The following NOL7 variants were observed in gnomAD, a reference collection of about 807,000 sequenced individuals.
NOL7 encodes nucleolar protein 7.
A neutral mutation model predicts 38.4 loss-of-function variants in NOL7; 36 were observed. That is an observed-to-expected ratio of 0.94 (90% CI 0.72 to 1.24). NOL7 has a LOEUF of 1.24. NOL7 is among the 50% of genes most tolerant of loss of function. The pLI, the probability that NOL7 is intolerant of heterozygous loss-of-function variation, is 0.00. For missense variants in NOL7, 350 were observed against 315.1 expected (o/e 1.11, Z -0.84); for synonymous variants, 142 against 126.5 (o/e 1.12, Z -0.82).
At chr6:13,616,703 A>T (rs1384597335) in intron 3 of NOL7, among the ~76,000 whole-genome samples, 182 bp downstream of exon 3, 1 of 152,106 alleles carries the variant, frequency 6.6e-6, no homozygotes, top group Admixed American at 6.5e-5. Context: ...TTTACCATTT[A>T]TTTTTGTTCA....
intron 8 of NOL7, among the ~76,000 whole-genome samples, chr6:13,632,015 T>C (rs553585451): frequency 1.5e-4 from 23 of 152,108 alleles, no homozygotes; most frequent in African/African-American, 3.6e-4. Flanking sequence ...CACGCCCACA[T>C]TGCTCCTAGT....
At chr6:13,624,168 C>T (rs1764535179), downstream of NOL7, among the ~76,000 whole-genome samples, 2 of 152,192 alleles carry the variant, frequency 1.3e-5, no homozygotes, top group Non-Finnish European at 2.9e-5. Flanking sequence ...AGAACTACAA[C>T]ACTGAGGACA....
Position 13,620,902 on chromosome 6 carries a change from A to G in NOL7, c.*75A>G. The G allele has an allele frequency of 1.1e-6, 1 of 914,852 alleles. No homozygotes were observed. Among genetic ancestry groups the G allele is most frequent in the Non-Finnish European group, 1.6e-6 (1 of 608,076 alleles). The allele number at this position is 914,852 out of a possible 1,614,324, so 56.7% of individuals were successfully genotyped here. A position where few individuals can be genotyped will look rare whatever the true frequency, so the allele number is the denominator to read the frequency against. On this transcript the variant is annotated 3_prime_UTR_variant, in exon 8 of 8. Coordinates refer to ENST00000451315, the MANE Select transcript of NOL7 (RefSeq NM_016167.5). ...ATAAATCATTCATAGATCATTTTAAAGGATCATTATAAAAATCATAAACCT... is the reference window on the plus strand; with the variant it reads ...ATAAATCATTCATAGATCATTTTAAGGGATCATTATAAAAATCATAAACCT...
At chr6:13,619,812 A>T (rs1764389667) in intron 5 of NOL7, among the ~76,000 whole-genome samples, 1 of 152,232 alleles carries the variant, frequency 6.6e-6, no homozygotes, top group Non-Finnish European at 1.5e-5. Context: ...CTGTGCATAT[A>T]TAAAATTAGT....
At chr6:13,620,592 T>G (rs534493328) in intron 7 of NOL7, 107 bp downstream of exon 7, 2 of 1,153,998 alleles carry the variant, frequency 1.7e-6, no homozygotes, top group East Asian at 2.5e-5. Context: ...TAATGGCTTA[T>G]ATATTAAGTT....
chr6:13,615,419 G>C lies in NOL7; in HGVS notation c.61G>C (p.Glu21Gln), dbSNP rs1457258929. ...GGCGTCGGCGGAGGCGATGGTGGACGAGGGCCAGCTGGCCTCGGAGGAGGA... is the reference window on the plus strand; with the variant it reads ...GGCGTCGGCGGAGGCGATGGTGGACCAGGGCCAGCTGGCCTCGGAGGAGGA... ...APASAEAMVD[E>Q]GQLASEEEEA... The change falls in exon 1 of 8, where the codon GAG becomes CAG. Residue 21 changes from glutamate (E) to glutamine (Q), a missense_variant. Transcript: ENST00000451315. 5.2e-6 allele frequency: 8 copies of C among 1,545,782 alleles called. No homozygotes were observed. Among genetic ancestry groups the C allele is most frequent in the Non-Finnish European group, 7.0e-6 (8 of 1,145,380 alleles).
downstream of NOL7, chr6:13,622,296 C>A: frequency 7.3e-7 from 1 of 1,364,172 alleles, no homozygotes; most frequent in East Asian, 2.6e-5. Flanking sequence ...TTCAAATCAG[C>A]AGAGCTGGTC....
At chr6:13,625,620 A>T (rs747560728), downstream of NOL7, 1 of 1,461,786 alleles carries the variant, frequency 6.8e-7, no homozygotes, top group Non-Finnish European at 9.6e-7. Context: ...CAGAGAATCT[A>T]ACTGAAATTG....
rs753226474 is a variant in NOL7 at position 13,615,579 on chromosome 6, C to T, written c.221C>T (p.Ala74Val). Reference protein sequence around the residue: ...PEELTFASAQAEAREEERRVR... With the variant: ...PEELTFASAQVEAREEERRVR... ...GAGCTGACTTTCGCCAGCGCCCAGG[C>T]GGAAGCGAGAGAAGAGGAGCGGCGA... The change falls in exon 1 of 8, where the codon GCG (alanine) becomes GTG (valine). Residue 74 changes from alanine to valine, a missense_variant. Physicochemically the swap from Ala to Val is moderately conservative, Grantham distance 64 (BLOSUM62 0). Transcript: ENST00000451315. The T allele has an allele frequency of 7.6e-6, 12 of 1,574,838 alleles. No homozygotes were observed. Among genetic ancestry groups the T allele is most frequent in the Non-Finnish European group, 1.0e-5 (12 of 1,158,738 alleles).
At chr6:13,627,721 T>A (rs2127759381) in intron 8 of NOL7, among the ~76,000 whole-genome samples, 1 of 150,364 alleles carries the variant, frequency 6.7e-6, no homozygotes, top group East Asian at 2.0e-4. Context: ...CTGATGAGGG[T>A]ACCATACCCA....
At chr6:13,631,530 C>T (rs1350828233) in intron 8 of NOL7, among the ~76,000 whole-genome samples, 2 of 152,164 alleles carry the variant, frequency 1.3e-5, no homozygotes, top group East Asian at 3.9e-4. Context: ...ACTAGGGATA[C>T]TCAACCTGTA....
At chr6:13,619,230 A>G (rs1253507102) in intron 5 of NOL7, among the ~76,000 whole-genome samples, 1 of 152,218 alleles carries the variant, frequency 6.6e-6, no homozygotes, top group Non-Finnish European at 1.5e-5. Context: ...AATTCTTCAA[A>G]AGGAGTCATT....
rs377342970 is a variant in NOL7 at position 13,620,336 on chromosome 6, T to C, written c.622+7T>C. 7.4e-6 allele frequency: 12 copies of C among 1,613,822 alleles called. No homozygotes were observed. In the African/African-American group the frequency reaches 1.6e-4, roughly 22 times the overall value. ...GGAACCAACAGGACTACTGGTAATT[T>C]TTTTATGGACTATTTTTCTCACTTT... On this transcript the variant is annotated splice_region_variant and intron_variant, in intron 6 of 7. Coordinates refer to ENST00000451315, the MANE Select transcript of NOL7 (RefSeq NM_016167.5).
chr6:13,618,872 C>A (rs143821123), intron 5 of NOL7, among the ~76,000 whole-genome samples: 1 of 152,064 alleles, frequency 6.6e-6, no homozygotes. Flanking sequence ...GCCTGAGCGA[C>A]AGAGTGAGAC....
rs1764256436 is a variant in NOL7 at position 13,615,633 on chromosome 6, C to T, written c.266+9C>T. The T allele has an allele frequency of 6.2e-7, 1 of 1,606,714 alleles. No individual in the cohort carries two copies. Among genetic ancestry groups the T allele is most frequent in the South Asian group, 1.1e-5 (1 of 90,240 alleles). Reference sequence around the variant, plus strand: ...CGGGAGACCGTGCGCAGGTTCGGAGCCCGCTGCCCGGCGGGGAGAACCGCC... The same window carrying T: ...CGGGAGACCGTGCGCAGGTTCGGAGTCCGCTGCCCGGCGGGGAGAACCGCC... On this transcript the variant is annotated intron_variant, in intron 1 of 7. Transcript: ENST00000451315.
chr6:13,626,738 A>C (rs1262615179), intron 8 of NOL7, among the ~76,000 whole-genome samples: 1 of 152,204 alleles, frequency 6.6e-6, no homozygotes, highest in Admixed American at 6.5e-5. Flanking sequence ...CTTTGAAAAT[A>C]CTGACTACTG....
At chr6:13,616,389 G>A (rs1246763042) in intron 2 of NOL7, 74 bp from the exon 3 acceptor site, 6 of 1,049,126 alleles carry the variant, frequency 5.7e-6, no homozygotes, top group African/African-American at 1.6e-5. Flanking sequence ...CTTAAAAGCG[G>A]TAACTTCAGA....
downstream of NOL7, among the ~76,000 whole-genome samples, chr6:13,625,170 G>C (rs1764566951): frequency 6.6e-6 from 1 of 152,098 alleles, no homozygotes; most frequent in Non-Finnish European, 1.5e-5. Context: ...TAACTCTTGT[G>C]ACAATTATTA....
chr6:13,627,734 G>A (rs1486023197), intron 8 of NOL7, among the ~76,000 whole-genome samples: 1 of 150,906 alleles, frequency 6.6e-6, no homozygotes, highest in African/African-American at 2.4e-5. Flanking sequence ...CATACCCATA[G>A]TACAGATAAA....
Sources: gnomAD v4.1 joint callset for allele counts (sites outside exome capture counted in the v4.1 genomes callset) on GRCh38, gnomAD v4.1.1 for gene constraint, MANE v1.5 for transcripts, NCBI Gene and HGNC (gene_info 2026-07-23, HGNC 2026-07-21) for gene names.